The following CCDC102B variants were observed in gnomAD, a reference collection of about 807,000 sequenced individuals.
The protein encoded by CCDC102B is coiled-coil domain containing 102B.
CCDC102B carries 75 observed loss-of-function variants against 57.4 expected under a neutral mutation model. The ratio of observed to expected loss-of-function variants is 1.31; its 90% CI spans 1.08 to 1.58. The LOEUF (loss-of-function observed/expected upper bound fraction) is 1.58. Among genes scored for constraint, CCDC102B ranks in the 40% most tolerant of loss-of-function variants. CCDC102B has a pLI of 0.00. For synonymous variants in CCDC102B, 206 were observed against 201.9 expected (o/e 1.02, Z -0.17); for missense variants, 636 against 582.6 (o/e 1.09, Z -0.94).
chr18:68,986,665 T>C (rs1425755247), intron 6 of CCDC102B, among the ~76,000 whole-genome samples: 1 of 151,338 alleles, frequency 6.6e-6, no homozygotes, highest in Non-Finnish European at 1.5e-5. Flanking sequence ...CAGAAATCCC[T>C]AAAGATACCA....
intron 6 of CCDC102B, among the ~76,000 whole-genome samples, chr18:68,901,593 A>C (rs2040455556): frequency 6.6e-6 from 1 of 152,144 alleles, no homozygotes; most frequent in Admixed American, 6.5e-5. Flanking sequence ...AATATGTGGA[A>C]ATAGTTGTCC....
Position 69,010,917 on chromosome 18 carries a change from T to A in CCDC102B, c.1264-17T>A. 6.5e-7 allele frequency: 1 copy of A among 1,548,998 alleles called. No homozygotes were observed. Among genetic ancestry groups the A allele is most frequent in the South Asian group, 1.2e-5 (1 of 80,424 alleles). On this transcript the variant is annotated splice_polypyrimidine_tract_variant and intron_variant, in intron 6 of 7. Transcript: ENST00000360242. ...GAATAGACTATAAATAATGTAATTT[T>A]TGTTTTCCTTTGAAAGGAATTACTG...
At chr18:68,827,991 ATAATGATAAAAGGAT>A (rs1382789787) in intron 1 of CCDC102B, among the ~76,000 whole-genome samples, 2 of 151,968 alleles carry the variant, frequency 1.3e-5, no homozygotes, top group Non-Finnish European at 2.9e-5. Flanking sequence ...GGGAAATTTC[ATAATGATAAAAGGAT>A]CAATACATCA....
chr18:68,860,382 G>A (rs1321985897), intron 4 of CCDC102B, among the ~76,000 whole-genome samples: 1 of 52,860 alleles, frequency 1.9e-5, no homozygotes, highest in Non-Finnish European at 4.6e-5. Context: ...CAGCGCACCA[G>A]CATGGCACAT....
chr18:68,909,153 A>T (rs1482705270), intron 6 of CCDC102B, among the ~76,000 whole-genome samples: 1 of 134,902 alleles, frequency 7.4e-6, no homozygotes, highest in Admixed American at 7.9e-5. Context: ...GACACAGAAA[A>T]AAAGGAAAAC....
chr18:68,830,710 A>T (rs563077585), intron 1 of CCDC102B, among the ~76,000 whole-genome samples: 331 of 145,560 alleles, frequency 2.3e-3, no homozygotes, highest in African/African-American at 8.7e-3. Flanking sequence ...AATCTCTTTA[A>T]GTCTCAAAAT....
chr18:68,739,794 C>T (rs1238467364), intron 2 of CCDC102B, among the ~76,000 whole-genome samples: 1 of 152,148 alleles, frequency 6.6e-6, no homozygotes, highest in Non-Finnish European at 1.5e-5. Context: ...AGAAGCTCCT[C>T]CTGTCATCTG....
At chr18:68,945,122 C>CACACA (rs369066554) in intron 6 of CCDC102B, among the ~76,000 whole-genome samples, 3 of 143,942 alleles carry the variant, frequency 2.1e-5, no homozygotes, top group African/African-American at 7.7e-5. Flanking sequence ...CTCTCTCTCT[C>CACACA]CACACACACA....
intron 2 of CCDC102B, among the ~76,000 whole-genome samples, chr18:68,785,172 G>T (rs2035156487): frequency 6.6e-6 from 1 of 151,554 alleles, no homozygotes; most frequent in Non-Finnish European, 1.5e-5. Flanking sequence ...CTTTTTTATG[G>T]CTGCATAGTA....
rs2052778412 is a variant in CCDC102B at position 69,054,309 on chromosome 18, T to C, written c.*172T>C. On this transcript the variant is annotated 3_prime_UTR_variant, in exon 8 of 8. Coordinates refer to ENST00000360242, the MANE Select transcript of CCDC102B (RefSeq NM_024781.3). The stretch of plus-strand genomic sequence containing the variant: ...CTTCTTCTAATTTTTGCCTAACAGA[T>C]ACTGCATATTCTCAAAAAGACAATT... 1.6e-6 allele frequency: 2 copies of C among 1,287,980 alleles called. No homozygotes were observed. Among genetic ancestry groups the C allele is most frequent in the African/African-American group, 1.5e-5 (1 of 64,692 alleles). 79.8% of individuals were successfully genotyped at this position (1,287,980 alleles called of 1,614,324 possible). A position where few individuals can be genotyped will look rare whatever the true frequency, so the allele number is the denominator to read the frequency against.
rs201208007 is a variant in CCDC102B at position 68,950,857 on chromosome 18, AT to A, written c.1263+53438del. ...CTAAGAGAACAAACTTTAAAGTGGT[AT>A]TTTTTTTTGAGAATTAAACGTGACA... On this transcript the variant is annotated intron_variant, in intron 6 of 7. Transcript: ENST00000360242. Among the ~76,000 whole-genome samples the A allele has an allele frequency of 7.9e-5, 12 of 151,570 alleles. No individual in the cohort carries two copies. The East Asian group carries it at 1.2e-3, about 15-fold the overall frequency.
chr18:69,028,023 T>G (rs1018621861), intron 7 of CCDC102B, among the ~76,000 whole-genome samples: 4 of 152,192 alleles, frequency 2.6e-5, no homozygotes, highest in Non-Finnish European at 4.4e-5. Context: ...TGCCACTTAG[T>G]AAACATTCAG....
At chr18:69,030,755 A>G (rs2052118233) in intron 7 of CCDC102B, among the ~76,000 whole-genome samples, 1 of 152,142 alleles carries the variant, frequency 6.6e-6, no homozygotes, top group Admixed American at 6.5e-5. Flanking sequence ...CCTGGGTTCA[A>G]GCAATTCTTC....
chr18:68,942,942 C>G (rs144640103), intron 6 of CCDC102B, among the ~76,000 whole-genome samples: 61,216 of 117,440 alleles, frequency 0.52, 18,149 homozygotes, highest in Non-Finnish European at 0.64. Context: ...TGCGGCCTTC[C>G]GCTGTGTTTT....
intron 2 of CCDC102B, among the ~76,000 whole-genome samples, chr18:68,749,110 G>T (rs1185194853): frequency 1.3e-5 from 2 of 152,014 alleles, no homozygotes; most frequent in Non-Finnish European, 2.9e-5. Flanking sequence ...ATTTCTGAGG[G>T]CTCTGTTCTG....
intron 6 of CCDC102B, among the ~76,000 whole-genome samples, chr18:69,002,865 T>A (rs1354421543): frequency 6.6e-6 from 1 of 152,176 alleles, no homozygotes; most frequent in Admixed American, 6.6e-5. Flanking sequence ...CTTTACCCTG[T>A]CTGCCCACAA....
At chr18:68,930,007 G>T (rs2041613967) in intron 6 of CCDC102B, among the ~76,000 whole-genome samples, 1 of 151,496 alleles carries the variant, frequency 6.6e-6, no homozygotes. Flanking sequence ...CACTAGCTCA[G>T]ATTTTTGTTT....
At chr18:68,820,335 G>C (rs1409295837) in intron 1 of CCDC102B, among the ~76,000 whole-genome samples, 1 of 151,928 alleles carries the variant, frequency 6.6e-6, no homozygotes, top group Non-Finnish European at 1.5e-5. Flanking sequence ...TTGTTAACAT[G>C]GTTTATTAAG....
rs575430798 is a variant in CCDC102B at position 68,781,845 on chromosome 18, TTTAG to T, written c.-66-41517_-66-41514del. Among the ~76,000 whole-genome samples, 540 of 152,252 alleles carry T rather than the reference TTTAG, an allele frequency of 3.5e-3. 2 individuals are homozygous for T. Among genetic ancestry groups the T allele is most frequent in the African/African-American group, 0.012 (510 of 41,564 alleles). On this transcript the variant is annotated intron_variant, in intron 2 of 3. Coordinates refer to the CCDC102B transcript ENST00000578970. ...GTATTGCTGAGCCTTTGTAGATTAT[TTTAG>T]TTAAAGTGAGAAAATGTTTTAATTT...
Sources: allele counts gnomAD v4.1 joint callset (sites outside exome capture counted in the v4.1 genomes callset), GRCh38; gene constraint gnomAD v4.1.1; transcripts MANE v1.5; gene names NCBI Gene and HGNC (gene_info 2026-07-23, HGNC 2026-07-21).